Variants in CYSLTR2 observed in about 807,000 individuals in gnomAD.
The protein encoded by CYSLTR2 is G-protein coupled receptor GPCR21.
For missense variants in CYSLTR2, 398 were observed against 411.9 expected (o/e 0.97, Z 0.29); for synonymous variants, 179 against 160.8 (o/e 1.11, Z -0.86).
chr13:48,663,987 T>C (rs1039765378), intron 1 of CYSLTR2, among the ~76,000 whole-genome samples: 2 of 152,110 alleles, frequency 1.3e-5, no homozygotes, highest in Non-Finnish European at 2.9e-5. Context: ...CTTTGTTATA[T>C]TGAAGTACTT....
chr13:48,678,470 G>T (rs1953661092), intron 1 of CYSLTR2, among the ~76,000 whole-genome samples: 1 of 151,866 alleles, frequency 6.6e-6, no homozygotes, highest in African/African-American at 2.4e-5. Flanking sequence ...TCCCTTAATT[G>T]TTGGTGTTCC....
chr13:48,671,128 G>C (rs1396774926), intron 1 of CYSLTR2, among the ~76,000 whole-genome samples: 2 of 152,132 alleles, frequency 1.3e-5, no homozygotes, highest in African/African-American at 2.4e-5. Context: ...ACATTGATTT[G>C]TTTCCTGAGA....
intron 1 of CYSLTR2, among the ~76,000 whole-genome samples, chr13:48,656,124 A>C (rs1566077295): frequency 6.6e-6 from 1 of 152,218 alleles, no homozygotes; most frequent in Admixed American, 6.5e-5. Context: ...TTGGTGGTAA[A>C]GTTCATTATT....
At chr13:48,657,405 C>T (rs575045836) in intron 1 of CYSLTR2, among the ~76,000 whole-genome samples, 4 of 151,698 alleles carry the variant, frequency 2.6e-5, no homozygotes, top group Admixed American at 2.6e-4. Flanking sequence ...GTTTTTTTTG[C>T]CTCTTTAGTG....
At chr13:48,677,583 A>G (rs1402534906) in intron 1 of CYSLTR2, among the ~76,000 whole-genome samples, 2 of 152,158 alleles carry the variant, frequency 1.3e-5, no homozygotes, top group Non-Finnish European at 2.9e-5. Context: ...TTCAGAGAGG[A>G]GGAGAGATGA....
At chr13:48,685,622 A>G (rs138275045) in intron 1 of CYSLTR2, among the ~76,000 whole-genome samples, 9 of 152,284 alleles carry the variant, frequency 5.9e-5, no homozygotes, top group Admixed American at 2.0e-4. Context: ...ACCCAGTTGC[A>G]ATTTCTTAGA....
intron 1 of CYSLTR2, among the ~76,000 whole-genome samples, chr13:48,664,976 T>C (rs1953223936): frequency 6.6e-6 from 1 of 152,120 alleles, no homozygotes; most frequent in South Asian, 2.1e-4. Flanking sequence ...AACACTGCTT[T>C]TGCTGTGCCC....
At chr13:48,694,564 G>A (rs1182236368) in intron 3 of CYSLTR2, 6 of 152,200 alleles carry the variant, frequency 3.9e-5, no homozygotes, top group African/African-American at 1.4e-4. Context: ...GCCTAGCCAT[G>A]AACAGGGTCC....
At chr13:48,692,577 T>C (rs1954065591) in intron 2 of CYSLTR2, among the ~76,000 whole-genome samples, 1 of 151,322 alleles carries the variant, frequency 6.6e-6, no homozygotes, top group Admixed American at 6.6e-5. Context: ...CAAAATAAAA[T>C]TTACCCTCTG....
rs1439698006 is a variant in CYSLTR2 at position 48,706,800 on chromosome 13, GT to G, written c.-1-14del. The G allele has an allele frequency of 1.3e-6, 2 of 1,582,888 alleles. No individual in the cohort carries two copies. The highest frequency in any genetic ancestry group is 8.6e-7 in the Non-Finnish European group (1 of 1,164,888). On this transcript the variant is annotated splice_polypyrimidine_tract_variant and intron_variant, in intron 4 of 4. Transcript: ENST00000682523. ...ATTCACAAAGTAACTTTTTGTGTCT[GT>G]TTCTTTTTAACCCAGCATGGAGAGA...
At chr13:48,693,080 T>C (rs1033382874) in intron 2 of CYSLTR2, among the ~76,000 whole-genome samples, 2 of 151,726 alleles carry the variant, frequency 1.3e-5, no homozygotes, top group South Asian at 2.1e-4. Context: ...AGGCATTTAT[T>C]ATTATCATTC....
At chr13:48,675,512 G>A (rs1181603810) in intron 1 of CYSLTR2, among the ~76,000 whole-genome samples, 1 of 152,176 alleles carries the variant, frequency 6.6e-6, no homozygotes, top group Non-Finnish European at 1.5e-5. Flanking sequence ...CACATCTCAG[G>A]TTGACTTCAG....
chr13:48,684,057 T>C (rs984616864), intron 1 of CYSLTR2, among the ~76,000 whole-genome samples: 2 of 152,156 alleles, frequency 1.3e-5, no homozygotes, highest in African/African-American at 4.8e-5. Context: ...TAGCCAGGAC[T>C]ATAGGTGCAC....
chr13:48,654,929 C>T (rs1345531968), intron 1 of CYSLTR2, among the ~76,000 whole-genome samples: 1 of 152,046 alleles, frequency 6.6e-6, no homozygotes, highest in Non-Finnish European at 1.5e-5. Flanking sequence ...CTGAAATATA[C>T]CTGAGAGTAA....
chr13:48,680,576 G>T (rs1953720638), intron 1 of CYSLTR2, among the ~76,000 whole-genome samples: 1 of 152,096 alleles, frequency 6.6e-6, no homozygotes, highest in South Asian at 2.1e-4. Context: ...TCTTCATTCT[G>T]TATTTGTTCT....
rs199769985 is a variant in CYSLTR2, at chr13:48,708,070, C to T, written c.*212C>T. On this transcript the variant is annotated 3_prime_UTR_variant, in exon 5 of 5. Coordinates refer to ENST00000682523, the MANE Select transcript of CYSLTR2 (RefSeq NM_001308476.3). Reference sequence around the variant, plus strand: ...TAATGAGGGATACAGGAGGAAAAATCCCTACTAGAGTCCTGTGGGCTGAAA... The same window carrying T: ...TAATGAGGGATACAGGAGGAAAAATTCCTACTAGAGTCCTGTGGGCTGAAA... The T allele has an allele frequency of 6.9e-6, 3 of 432,510 alleles. No homozygotes were observed. Among genetic ancestry groups the T allele is most frequent in the South Asian group, 1.7e-4 (2 of 11,474 alleles). The allele number at this position is 432,510 out of a possible 1,614,324, so 26.8% of individuals were successfully genotyped here. A position where few individuals can be genotyped will look rare whatever the true frequency, so the allele number is the denominator to read the frequency against.
At chr13:48,673,403 T>C (rs1953498256) in intron 1 of CYSLTR2, among the ~76,000 whole-genome samples, 1 of 151,734 alleles carries the variant, frequency 6.6e-6, no homozygotes, top group Admixed American at 6.6e-5. Flanking sequence ...TTAAAGTCTG[T>C]CTTATCAGAG....
intron 2 of CYSLTR2, among the ~76,000 whole-genome samples, chr13:48,691,742 A>T (rs942471808): frequency 6.6e-6 from 1 of 152,122 alleles, no homozygotes; most frequent in Non-Finnish European, 1.5e-5. Context: ...ATACACAGTT[A>T]TTACAGTAAT....
At chr13:48,701,495 A>AAG (rs1302368842) in intron 4 of CYSLTR2, among the ~76,000 whole-genome samples, 1 of 152,244 alleles carries the variant, frequency 6.6e-6, no homozygotes, top group African/African-American at 2.4e-5. Flanking sequence ...AGAAAGATCA[A>AAG]AGACTTAAAT....
Sources: allele counts gnomAD v4.1 joint callset (sites outside exome capture counted in the v4.1 genomes callset), GRCh38; gene constraint gnomAD v4.1.1; transcripts MANE v1.5; gene names NCBI Gene and HGNC (gene_info 2026-07-23, HGNC 2026-07-21).